The following ANK2 variants were observed in gnomAD, a reference collection of about 807,000 sequenced individuals.
The protein encoded by ANK2 is ankyrin 2.
ANK2 carries 83 observed loss-of-function variants against 360.5 expected under a neutral mutation model. The observed-to-expected ratio is 0.23, with a 90% confidence interval of 0.19 to 0.28. The LOEUF is 0.28. Ranked by LOEUF, ANK2 falls within the 10% of genes least tolerant of loss-of-function variation. The pLI is 1.00. For synonymous variants in ANK2, 1,740 were observed against 1,759.5 expected (o/e 0.99, Z 0.28); for missense variants, 4,201 against 4,795.7 (o/e 0.88, Z 3.66).
intron 1 of ANK2, among the ~76,000 whole-genome samples, chr4:112,852,650 T>G (rs1465974845): frequency 6.6e-6 from 1 of 152,220 alleles, no homozygotes; most frequent in African/African-American, 2.4e-5. Context: ...TGTTTCCTAA[T>G]TTAGAATTTT....
At chr4:112,819,479 A>G (rs532513824) in intron 1 of ANK2, among the ~76,000 whole-genome samples, 8 of 152,316 alleles carry the variant, frequency 5.3e-5, no homozygotes, top group African/African-American at 1.7e-4. Flanking sequence ...GGTGAGAAAG[A>G]TGATGGTATG....
At chr4:112,706,264 G>A in the ANK2 span, among the ~76,000 whole-genome samples, 4 of 152,066 alleles carry the variant, frequency 2.6e-5, no homozygotes, top group African/African-American at 9.7e-5. Flanking sequence ...CATTGTCCTC[G>A]CGTCCCCCAA....
rs551757423 is a variant in ANK2, at chr4:112,923,291, A to C, written c.21+18777A>C. 1.1e-3 allele frequency among the ~76,000 whole-genome samples: 164 copies of C among 152,256 alleles called. 1 individual carries two copies. The highest frequency in any genetic ancestry group is 3.9e-3 in the African/African-American group (163 of 41,562). On this transcript the variant is annotated intron_variant, in intron 2 of 30. Coordinates refer to the ANK2 transcript ENST00000503271. ...AAAGTGTTTTTAATGTTGTTGTTTC[A>C]TTGCCTTTTTCAAATATAATGGTAA... is the stretch of plus-strand genomic sequence containing the variant.
intron 1 of ANK2, among the ~76,000 whole-genome samples, chr4:113,102,059 G>A (rs985772895): frequency 3.3e-5 from 5 of 152,072 alleles, no homozygotes; most frequent in African/African-American, 1.2e-4. Flanking sequence ...GAATTATTTG[G>A]GCATTGGCTA....
intron 2 of ANK2, among the ~76,000 whole-genome samples, chr4:112,996,947 A>C (rs1396898532): frequency 6.6e-6 from 1 of 152,016 alleles, no homozygotes; most frequent in Non-Finnish European, 1.5e-5. Flanking sequence ...CCCTATGTCC[A>C]TGAATTTAAT....
intron 2 of ANK2, among the ~76,000 whole-genome samples, chr4:112,992,731 T>A (rs1415438743): frequency 6.6e-6 from 1 of 152,134 alleles, no homozygotes; most frequent in Non-Finnish European, 1.5e-5. Flanking sequence ...ACCCTCATGA[T>A]CTCCTCTAAA....
chr4:113,289,369 G>A (rs1168094388), intron 20 of ANK2, among the ~76,000 whole-genome samples: 3 of 151,714 alleles, frequency 2.0e-5, no homozygotes, highest in Non-Finnish European at 4.4e-5. Context: ...CACCATGCCC[G>A]GCTAATTTTT....
chr4:113,048,917 GACAC>G (rs55814667), upstream of ANK2, among the ~76,000 whole-genome samples: 17,209 of 139,076 alleles, frequency 0.12, 1,193 homozygotes, highest in African/African-American at 0.21. Flanking sequence ...CCCCTACCCA[GACAC>G]ACACACACAC....
upstream of ANK2, among the ~76,000 whole-genome samples, chr4:113,046,100 C>A (rs939735770): frequency 6.6e-6 from 1 of 152,018 alleles, no homozygotes; most frequent in Non-Finnish European, 1.5e-5. Flanking sequence ...CAGACAGGCA[C>A]AAGGAAATTG....
At chr4:113,246,722 G>A (rs1585982761) in intron 9 of ANK2, among the ~76,000 whole-genome samples, 1 of 152,200 alleles carries the variant, frequency 6.6e-6, no homozygotes, top group South Asian at 2.1e-4. Flanking sequence ...TTGTTATTAG[G>A]TATAATAATT....
At chr4:113,235,219 T>G (rs1280318093) in intron 5 of ANK2, among the ~76,000 whole-genome samples, 1 of 152,230 alleles carries the variant, frequency 6.6e-6, no homozygotes, top group Non-Finnish European at 1.5e-5. Flanking sequence ...AATGAGTCTG[T>G]GCTTTTCTCA....
In ANK2 at chr4:113,369,731, C is replaced by G. The variant is rs2154066989; in HGVS notation, c.11536C>G (p.Leu3846Val). Residue 3846 changes from leucine to valine, a missense_variant, in exon 43 of 46, where the codon CTC becomes GTC. This residue lies in a region of ANK2 where 2,642 missense variants were observed against 2,714.5 expected (regional missense o/e 0.97). Coordinates refer to ENST00000357077, the MANE Select transcript of ANK2 (RefSeq NM_001148.6). Reference sequence around the variant, plus strand: ...GGAGAGCTCTCCGCGGAAAACCAGCCTCGTAATAGTGGAGTCTGCCGATAA... The same window carrying G: ...GGAGAGCTCTCCGCGGAAAACCAGCGTCGTAATAGTGGAGTCTGCCGATAA... ...REESSPRKTS[L>V]VIVESADNQP... 1.2e-6 allele frequency: 2 copies of G among 1,614,124 alleles called. No homozygotes were observed. Among genetic ancestry groups the G allele is most frequent in the Non-Finnish European group, 1.7e-6 (2 of 1,180,016 alleles).
At chr4:113,167,644 A>T (rs1164067247) in intron 1 of ANK2, among the ~76,000 whole-genome samples, 1 of 152,142 alleles carries the variant, frequency 6.6e-6, no homozygotes, top group African/African-American at 2.4e-5. Context: ...ATTATAGCAC[A>T]CATACAGAAA....
At chr4:113,101,968 G>A (rs1430794989) in intron 1 of ANK2, among the ~76,000 whole-genome samples, 1 of 152,174 alleles carries the variant, frequency 6.6e-6, no homozygotes, top group Admixed American at 6.6e-5. Context: ...TGTCACCGGT[G>A]TATGGTGAGG....
chr4:113,323,441 A>G (rs1364847676), intron 26 of ANK2, among the ~76,000 whole-genome samples: 1 of 152,188 alleles, frequency 6.6e-6, no homozygotes. Flanking sequence ...CAAAGACTTT[A>G]TGTTTTTCAT....
chr4:113,207,113 A>G (rs994490602), intron 4 of ANK2, among the ~76,000 whole-genome samples: 7 of 151,644 alleles, frequency 4.6e-5, no homozygotes, highest in African/African-American at 1.2e-4. Context: ...GTGCACACGC[A>G]CACACACACA....
intron 1 of ANK2, among the ~76,000 whole-genome samples, chr4:112,820,442 C>G (rs1158286286): frequency 6.6e-6 from 1 of 152,186 alleles, no homozygotes; most frequent in Non-Finnish European, 1.5e-5. Context: ...CTTCTGCAAT[C>G]ATGCAACCTA....
In ANK2 at chr4:112,890,991, G is replaced by A. The variant is rs146804392; in HGVS notation, c.-39-13464G>A. ...TAGTGTGCAGGCCAAGGGAAACTGT[G>A]TTCCAAAGAATAACTAATCATCTAT... On this transcript the variant is annotated intron_variant, in intron 1 of 30. Transcript: ENST00000503271. 3.1e-3 allele frequency among the ~76,000 whole-genome samples: 472 copies of A among 152,326 alleles called. 1 individual carries two copies. Among genetic ancestry groups the A allele is most frequent in the Non-Finnish European group, 4.8e-3 (327 of 68,016 alleles).
intron 1 of ANK2, chr4:113,152,327 C>T (rs1456117537): frequency 6.6e-6 from 1 of 152,082 alleles, no homozygotes. Flanking sequence ...AGAGAGTCCT[C>T]TTTTCAGCTG....
Sources: allele counts gnomAD v4.1 joint callset (sites outside exome capture counted in the v4.1 genomes callset), GRCh38; gene constraint gnomAD v4.1.1; regional missense constraint gnomAD v4.1.1; transcripts MANE v1.5; gene names NCBI Gene and HGNC (gene_info 2026-07-23, HGNC 2026-07-21).